Variants in WASHC2C observed in about 807,000 individuals in gnomAD.
The protein encoded by WASHC2C is WASH complex subunit 2C.
A neutral mutation model predicts 142.2 loss-of-function variants in WASHC2C; 73 were observed. That is an observed-to-expected ratio of 0.51 (90% CI 0.43 to 0.62). WASHC2C has a LOEUF of 0.62. Among genes scored for constraint, WASHC2C ranks in the 20% least tolerant of loss-of-function variants. The pLI is 0.00. For missense variants in WASHC2C, 969 were observed against 1,531.7 expected, an observed-to-expected ratio of 0.63 and a Z score of 6.13; for synonymous variants, 337 against 565.5, an observed-to-expected ratio of 0.60 and a Z score of 5.73.
chr10:45,727,081 C>G (rs1026684647), upstream of WASHC2C: 1 of 1,306,078 alleles, frequency 7.7e-7, no homozygotes, highest in Non-Finnish European at 1.0e-6. Context: ...CAGCCCCTAT[C>G]CTCCAGCTTC....
intron 16 of WASHC2C, among the ~76,000 whole-genome samples, chr10:45,757,737 G>A (rs1375407578): frequency 4.6e-5 from 7 of 152,270 alleles, no homozygotes; most frequent in Non-Finnish European, 8.8e-5. Flanking sequence ...TATAAGGAGA[G>A]TGCAACCTGC....
intron 3 of WASHC2C, among the ~76,000 whole-genome samples, chr10:45,731,350 A>C (rs1353317077): frequency 1.6e-5 from 2 of 125,862 alleles, no homozygotes; most frequent in Admixed American, 8.3e-5. Flanking sequence ...CCTCCCATGT[A>C]GTTGGGATTA....
In WASHC2C at chr10:45,758,624, G is replaced by A. The variant is rs2610446; in HGVS notation, c.1549-691G>A. 8.9e-4 allele frequency among the ~76,000 whole-genome samples: 46 copies of A among 51,660 alleles called. 1 individual carries two copies. The East Asian group carries it at 0.011, about 12-fold the overall frequency. 33.9% of individuals were successfully genotyped at this position (51,660 alleles called of 152,430 possible). ...TCTTCTTCTTTTTTTTTTTTTTTTT[G>A]TGAGACAGGGTCTTGCTCTGTTGCC... On this transcript the variant is annotated intron_variant, in intron 16 of 30. Transcript: ENST00000623400.
rs1210474933 is a variant in WASHC2C, at chr10:45,792,622, A to G, written c.*222A>G. On this transcript the variant is annotated 3_prime_UTR_variant, in exon 31 of 31. Coordinates refer to ENST00000623400, the MANE Select transcript of WASHC2C (RefSeq NM_001330074.2). ...CAGTGGTTGGTTTGTTTTGTTTTTA[A>G]ACCACAGTTTGATTTAGTTAGCCTT... 1.7e-6 allele frequency: 1 copy of G among 589,078 alleles called. No homozygotes were observed. Among genetic ancestry groups the G allele is most frequent in the African/African-American group, 1.9e-5 (1 of 53,100 alleles). 36.5% of individuals were successfully genotyped at this position (589,078 alleles called of 1,614,324 possible).
intron 20 of WASHC2C, 80 bp downstream of exon 20, chr10:45,769,698 T>C (rs1554883928): frequency 1.2e-6 from 2 of 1,602,610 alleles, no homozygotes; most frequent in African/African-American, 2.7e-5. Context: ...ATCTAGTTCA[T>C]CGGGTGATTG....
At chr10:45,730,682 C>A (rs1459122156) in intron 3 of WASHC2C, among the ~76,000 whole-genome samples, 4 of 150,616 alleles carry the variant, frequency 2.7e-5, no homozygotes, top group Non-Finnish European at 5.9e-5. Context: ...TGCAGTGGTG[C>A]GATCTCCGCT....
intron 17 of WASHC2C, among the ~76,000 whole-genome samples, chr10:45,760,816 G>A (rs1165193664): frequency 6.1e-5 from 9 of 146,602 alleles, no homozygotes; most frequent in Non-Finnish European, 7.5e-5. Flanking sequence ...GCCAGGGACA[G>A]TGTATATTTG....
intron 11 of WASHC2C, among the ~76,000 whole-genome samples, chr10:45,752,147 C>T (rs2053669883): frequency 6.6e-6 from 1 of 152,174 alleles, no homozygotes; most frequent in Admixed American, 6.5e-5. Context: ...CATTTGTTTT[C>T]AATAAAGGAT....
intron 4 of WASHC2C, among the ~76,000 whole-genome samples, chr10:45,739,641 G>GA (rs2051737206): frequency 6.9e-6 from 1 of 145,526 alleles, no homozygotes; most frequent in East Asian, 2.0e-4. Context: ...AACTGTAATT[G>GA]AAAAATGAGA....
intron 21 of WASHC2C, among the ~76,000 whole-genome samples, chr10:45,773,924 A>G (rs1462351485): frequency 2.7e-5 from 4 of 148,514 alleles, no homozygotes; most frequent in Non-Finnish European, 4.5e-5. Context: ...AAGCGTAAAC[A>G]CGTAAACATG....
intron 30 of WASHC2C, among the ~76,000 whole-genome samples, chr10:45,790,937 G>A (rs1391093839): frequency 1.3e-5 from 2 of 152,126 alleles, no homozygotes; most frequent in Non-Finnish European, 2.9e-5. Context: ...GACAGGGAGT[G>A]TCCATGGTTC....
In WASHC2C at chr10:45,780,626, A is replaced by G. The variant is rs140027375; in HGVS notation, c.2478+1491A>G. On this transcript the variant is annotated intron_variant, in intron 23 of 30. Transcript: ENST00000623400. Reference sequence around the variant, plus strand: ...TATAGAAAGTCTTAAGGAATCTGCAAAAAACATCCATTGGAAATAAAGTCA... The same window carrying G: ...TATAGAAAGTCTTAAGGAATCTGCAGAAAACATCCATTGGAAATAAAGTCA... Among the ~76,000 whole-genome samples the G allele has an allele frequency of 2.1e-3, 315 of 152,354 alleles. 2 individuals carry two copies. Among genetic ancestry groups the G allele is most frequent in the African/African-American group, 7.1e-3 (296 of 41,582 alleles).
chr10:45,784,143 A>T (rs1489366356), intron 23 of WASHC2C, among the ~76,000 whole-genome samples: 2 of 151,000 alleles, frequency 1.3e-5, no homozygotes, highest in East Asian at 1.9e-4. Flanking sequence ...GAACTAATGG[A>T]TTGCTTTTCT....
intron 3 of WASHC2C, among the ~76,000 whole-genome samples, chr10:45,733,915 G>A (rs1170647953): frequency 1.3e-5 from 2 of 152,094 alleles, no homozygotes; most frequent in African/African-American, 2.4e-5. Flanking sequence ...TTCCCATGCA[G>A]ACATCAGGCT....
chr10:45,768,356 T>C (rs1220597389), intron 19 of WASHC2C, among the ~76,000 whole-genome samples: 1 of 151,712 alleles, frequency 6.6e-6, no homozygotes, highest in Non-Finnish European at 1.5e-5. Context: ...TTTGTGATAC[T>C]CTCTAGTGGA....
Position 45,727,539 on chromosome 10 carries a change from C to T in WASHC2C, c.126C>T (p.Gly42=), listed in dbSNP as rs2050001079. ...GCTGGTCGCTGGCGGCCGACGCGGG[C>T]GTGAGAGGCGGGCCCCGGGGACGCG... ...SQSWSLAADA[G]LLQFLQEFSQ... Residue 42 remains glycine (G), a splice_region_variant and synonymous_variant, in exon 2 of 31, where the codon GGC becomes GGT. Coordinates refer to ENST00000623400, the MANE Select transcript of WASHC2C (RefSeq NM_001330074.2). 5.1e-6 allele frequency: 8 copies of T among 1,579,666 alleles called. No individual in the cohort carries two copies. The highest frequency in any genetic ancestry group is 2.3e-5 in the East Asian group (1 of 43,192).
chr10:45,784,293 C>CACATACAT (rs1305333868), intron 23 of WASHC2C, among the ~76,000 whole-genome samples: 1 of 63,660 alleles, frequency 1.6e-5, no homozygotes, highest in Non-Finnish European at 3.1e-5. Flanking sequence ...TATATATACA[C>CACATACAT]ATATATATAT....
chr10:45,757,220 T>G, intron 16 of WASHC2C, 81 bp downstream of exon 16: 10 of 1,600,676 alleles, frequency 6.2e-6, no homozygotes, highest in Non-Finnish European at 7.7e-6. Flanking sequence ...AGGGAAGTAC[T>G]GTTCCCTTTC....
rs782640107 is a variant in WASHC2C at position 45,759,317 on chromosome 10, T to C, written c.1551T>C (p.Val517=). The change falls in exon 17 of 31, where the codon GTT becomes GTC. Residue 517 remains valine (V), a splice_region_variant and synonymous_variant. Coordinates refer to ENST00000623400, the MANE Select transcript of WASHC2C (RefSeq NM_001330074.2). ...CCCCCCCCCCACCCCCGACAAAGGT[T>C]ACCTTATCTTACAGCAAAAATCTCA... ...DENKARAEKK[V]TLSYSKNLKP... 5 of 1,244,554 alleles carry C rather than the reference T, an allele frequency of 4.0e-6. No individual in the cohort carries two copies. The South Asian group carries it at 6.2e-5, about 15-fold the overall frequency. The allele number at this position is 1,244,554 out of a possible 1,614,324, so 77.1% of individuals were successfully genotyped here. A position where few individuals can be genotyped will look rare whatever the true frequency, so the allele number is the denominator to read the frequency against.
Sources: allele counts gnomAD v4.1 joint callset (sites outside exome capture counted in the v4.1 genomes callset), GRCh38; gene constraint gnomAD v4.1.1; transcripts MANE v1.5; gene names NCBI Gene and HGNC (gene_info 2026-07-23, HGNC 2026-07-21).